The following PCBP3 variants were observed in gnomAD, a reference collection of about 807,000 sequenced individuals.
PCBP3 encodes poly(rC)-binding protein 3.
In PCBP3, 25 loss-of-function variants were observed where a neutral mutation model predicts 52.7. The ratio of observed to expected loss-of-function variants is 0.47; its 90% CI spans 0.35 to 0.66. The LOEUF is 0.66. Ranked by LOEUF, PCBP3 falls within the 30% of genes least tolerant of loss-of-function variation. The probability of loss-of-function intolerance (pLI) is 0.01; values close to 1 mark genes in which losing one functional copy is unlikely to be tolerated. For missense variants in PCBP3, 391 were observed against 490.3 expected (o/e 0.80, Z 1.91); for synonymous variants, 162 against 183.0 (o/e 0.89, Z 0.93).
At chr21:45,918,176 G>A in intron 13 of PCBP3, 1 of 168,406 alleles carries the variant, frequency 5.9e-6, no homozygotes, top group Non-Finnish European at 1.3e-5. Flanking sequence ...TCAGTGGGAT[G>A]CCAGGCGGGC....
At chr21:45,911,927 G>A (rs2096402903) in intron 11 of PCBP3, among the ~76,000 whole-genome samples, 1 of 152,270 alleles carries the variant, frequency 6.6e-6, no homozygotes, top group Non-Finnish European at 1.5e-5. Flanking sequence ...GGGCGAAAGT[G>A]CCATGCTGGT....
chr21:45,867,444 G>A (rs1435900161), intron 5 of PCBP3, among the ~76,000 whole-genome samples: 1 of 152,228 alleles, frequency 6.6e-6, no homozygotes, highest in Non-Finnish European at 1.5e-5. Flanking sequence ...AGGGTGTGCC[G>A]CTACGGGGTC....
At position 45,836,903 on chromosome 21, in the gene PCBP3, A is replaced by G. The variant is rs1215028416; in HGVS notation, c.-125-13058A>G. On this transcript the variant is annotated intron_variant, in intron 4 of 17. Coordinates refer to ENST00000681687, the MANE Select transcript of PCBP3 (RefSeq NM_001384156.1). The stretch of plus-strand genomic sequence containing the variant: ...AGCTGCAGTTTGTGTGCCTGGCTGC[A>G]TAGTGTTCCAGTGTGTGAATAGGCA... Among the ~76,000 whole-genome samples, 5 of 152,230 alleles carry G rather than the reference A, an allele frequency of 3.3e-5. 1 individual carries two copies. In the East Asian group the frequency reaches 5.8e-4, roughly 18 times the overall value.
intron 2 of PCBP3, among the ~76,000 whole-genome samples, chr21:45,679,474 T>C (rs2081695733): frequency 6.6e-6 from 1 of 152,204 alleles, no homozygotes; most frequent in African/African-American, 2.4e-5. Context: ...GACATAATGC[T>C]ATTGCACACA....
intron 15 of PCBP3, among the ~76,000 whole-genome samples, chr21:45,933,120 T>G (rs1306388114): frequency 6.6e-6 from 1 of 152,024 alleles, no homozygotes; most frequent in Non-Finnish European, 1.5e-5. Context: ...CATCCTGAGA[T>G]GAATGAACAC....
intron 5 of PCBP3, chr21:45,893,928 C>T: frequency 8.1e-6 from 8 of 985,332 alleles, no homozygotes; most frequent in African/African-American, 1.7e-5. Context: ...CCCATGGACA[C>T]TGGGCAGATG....
Position 45,935,296 on chromosome 21 carries a change from T to C in PCBP3, c.900T>C (p.Ile300=), listed in dbSNP as rs772505626. 1 of 1,612,528 alleles carries C rather than the reference T, an allele frequency of 6.2e-7. No homozygotes were observed. Among genetic ancestry groups the C allele is most frequent in the Non-Finnish European group, 8.5e-7 (1 of 1,178,870 alleles). The change falls in exon 16 of 18, where the codon ATT becomes ATC. Residue 300 remains isoleucine, a synonymous_variant. Coordinates refer to ENST00000681687, the MANE Select transcript of PCBP3 (RefSeq NM_001384156.1). ...CGGCCAGCACTCATGAGCTCACCAT[T>C]CCCAATGATGTGAGTATGCCCGCTG... The part of the protein sequence containing the change: ...SPPASTHELT[I]PNDLIGCIIG...
intron 2 of PCBP3, among the ~76,000 whole-genome samples, chr21:45,729,383 G>C (rs565156225): frequency 1.3e-5 from 2 of 152,280 alleles, no homozygotes; most frequent in African/African-American, 4.8e-5. Context: ...CTGCTTACAT[G>C]TGTATTTTTA....
At chr21:45,803,464 A>G (rs533666237) in intron 4 of PCBP3, among the ~76,000 whole-genome samples, 157 of 152,172 alleles carry the variant, frequency 1.0e-3, no homozygotes, top group African/African-American at 3.5e-3. Flanking sequence ...GGGGCGGGCC[A>G]TGAGGGGAAG....
intron 4 of PCBP3, among the ~76,000 whole-genome samples, chr21:45,782,175 C>T (rs2090687782): frequency 6.6e-6 from 1 of 151,820 alleles, no homozygotes; most frequent in East Asian, 1.9e-4. Context: ...CATGCTAAAA[C>T]AAGAACAGTA....
intron 4 of PCBP3, among the ~76,000 whole-genome samples, chr21:45,843,879 G>A (rs753278002): frequency 1.3e-5 from 2 of 152,076 alleles, no homozygotes; most frequent in Non-Finnish European, 2.9e-5. Context: ...ACACACATAC[G>A]CACTATCATG....
chr21:45,712,549 G>C (rs2083908339), intron 2 of PCBP3, among the ~76,000 whole-genome samples: 1 of 152,166 alleles, frequency 6.6e-6, no homozygotes, highest in Non-Finnish European at 1.5e-5. Context: ...CCTCTTTCAA[G>C]TAAATTTTTA....
intron 4 of PCBP3, among the ~76,000 whole-genome samples, chr21:45,814,737 GA>G (rs1403232880): frequency 7.0e-6 from 1 of 142,834 alleles, no homozygotes. Context: ...AGTGGTGAGT[GA>G]GTGGTGAGTG....
rs543112056 is a variant in PCBP3, at chr21:45,900,753, G to A, written c.222+130G>A. ...GGGGTGTGTGGGGAGTGCAGTGCGGGGCCTCTTTTCCCCTACTCAGGCCTC... is the reference window on the plus strand; with the variant it reads ...GGGGTGTGTGGGGAGTGCAGTGCGGAGCCTCTTTTCCCCTACTCAGGCCTC... On this transcript the variant is annotated intron_variant, in intron 8 of 17. Coordinates refer to ENST00000681687, the MANE Select transcript of PCBP3 (RefSeq NM_001384156.1). 35 of 773,926 alleles carry A rather than the reference G, an allele frequency of 4.5e-5. No individual in the cohort carries two copies. In the African/African-American group the frequency reaches 6.0e-4, roughly 13 times the overall value. The allele number at this position is 773,926 out of a possible 1,614,324, so 47.9% of individuals were successfully genotyped here.
At chr21:45,664,086 G>A (rs1325659252) in intron 1 of PCBP3, among the ~76,000 whole-genome samples, 1 of 145,384 alleles carries the variant, frequency 6.9e-6, no homozygotes, top group Non-Finnish European at 1.5e-5. Flanking sequence ...AATAAACTCA[G>A]TAAAACCCAA....
At chr21:45,673,256 G>A (rs1235856506) in intron 2 of PCBP3, among the ~76,000 whole-genome samples, 5 of 152,158 alleles carry the variant, frequency 3.3e-5, no homozygotes, top group East Asian at 3.9e-4. Flanking sequence ...ACTTCCCTCC[G>A]CCTCTCCACT....
chr21:45,842,002 C>CCT (rs2093709006), intron 4 of PCBP3, among the ~76,000 whole-genome samples: 1 of 152,226 alleles, frequency 6.6e-6, no homozygotes, highest in Non-Finnish European at 1.5e-5. Flanking sequence ...GGGCTCACCT[C>CCT]CTCTGGATCT....
rs2085959285 is a variant in PCBP3, at chr21:45,737,378, A to T, written c.-162+1949A>T. Among the ~76,000 whole-genome samples, 2 of 152,186 alleles carry T rather than the reference A, an allele frequency of 1.3e-5. No individual in the cohort carries two copies. Among genetic ancestry groups the T allele is most frequent in the Non-Finnish European group, 1.5e-5 (1 of 68,032 alleles). ...CAACTTTGTAATCTTACAAATCTGG[A>T]TCTAATTTTCACCAAACTCTCAAGG... On this transcript the variant is annotated intron_variant, in intron 3 of 17. Coordinates refer to ENST00000681687, the MANE Select transcript of PCBP3 (RefSeq NM_001384156.1). The surrounding 1 kb of genome is among the most constrained non-coding windows in gnomAD (Gnocchi z 4.9).
chr21:45,774,265 G>C (rs1165469511), intron 4 of PCBP3, among the ~76,000 whole-genome samples: 1 of 151,876 alleles, frequency 6.6e-6, no homozygotes, highest in Non-Finnish European at 1.5e-5. Flanking sequence ...AAATTAGCTG[G>C]GCGTGGTGGT....
Sources: allele counts gnomAD v4.1 joint callset (sites outside exome capture counted in the v4.1 genomes callset), GRCh38; gene constraint gnomAD v4.1.1; non-coding constraint Gnocchi (gnomAD v3.1); transcripts MANE v1.5; gene names NCBI Gene and HGNC (gene_info 2026-07-23, HGNC 2026-07-21).